The following TBX5 variants were observed in gnomAD, a reference collection of about 807,000 sequenced individuals.
TBX5 encodes T-box transcription factor TBX5.
TBX5 carries 8 observed loss-of-function variants against 51.1 expected under a neutral mutation model. The ratio of observed to expected loss-of-function variants is 0.16; its 90% CI spans 0.09 to 0.28. The LOEUF (loss-of-function observed/expected upper bound fraction) is 0.28. TBX5 is among the 10% of genes least tolerant of loss of function. TBX5 has a pLI of 1.00. For synonymous variants in TBX5, 302 were observed against 266.4 expected, an observed-to-expected ratio of 1.13 and a Z score of -1.30; for missense variants, 589 against 671.7, an observed-to-expected ratio of 0.88 and a Z score of 1.36.
At chr12:114,380,514 T>C (rs1870450689) in intron 7 of TBX5, among the ~76,000 whole-genome samples, 1 of 152,330 alleles carries the variant, frequency 6.6e-6, no homozygotes, top group Non-Finnish European at 1.5e-5. Context: ...AGTCTCATTC[T>C]GAGCAATAAC....
At chr12:114,397,665 C>T (rs539048969) in intron 5 of TBX5, among the ~76,000 whole-genome samples, 9 of 152,288 alleles carry the variant, frequency 5.9e-5, no homozygotes, top group African/African-American at 1.9e-4. Context: ...CATTCAGTTT[C>T]AGGAAATTCA....
At chr12:114,383,995 A>G (rs1405897933) in intron 7 of TBX5, among the ~76,000 whole-genome samples, 1 of 152,212 alleles carries the variant, frequency 6.6e-6, no homozygotes, top group African/African-American at 2.4e-5. Flanking sequence ...TGGCACTCTG[A>G]GCCCAGGGCC....
chr12:114,372,165 C>A lies in TBX5; in HGVS notation c.756-5774G>T, dbSNP rs117053964. 3.3e-5 allele frequency among the ~76,000 whole-genome samples: 5 copies of A among 152,246 alleles called. No individual in the cohort carries two copies. The East Asian group carries it at 9.6e-4, about 29-fold the overall frequency. ...TACAATGTACACTATTAAAGTGATA[C>A]TTACACTAAAAGCCCGACTTCACCA... On this transcript the variant is annotated intron_variant, in intron 7 of 8. Transcript: ENST00000405440.
At chr12:114,389,016 C>T (rs973158133) in intron 6 of TBX5, among the ~76,000 whole-genome samples, 6 of 152,122 alleles carry the variant, frequency 3.9e-5, no homozygotes, top group Non-Finnish European at 8.8e-5. Context: ...GCAAACTCCG[C>T]CTCTCAGGTT....
At chr12:114,374,740 C>T (rs1056578447) in intron 7 of TBX5, among the ~76,000 whole-genome samples, 1 of 152,152 alleles carries the variant, frequency 6.6e-6, no homozygotes, top group African/African-American at 2.4e-5. Context: ...TTGTACATTT[C>T]ACCCTATATA....
intron 3 of TBX5, 120 bp from the exon 4 acceptor site, chr12:114,399,752 C>T: frequency 6.7e-7 from 1 of 1,491,624 alleles, no homozygotes; most frequent in Non-Finnish European, 9.2e-7. Flanking sequence ...CGGAAACTAG[C>T]CCCGTTCCGC....
intron 7 of TBX5, among the ~76,000 whole-genome samples, chr12:114,369,002 GA>G (rs142684127): frequency 5.7e-5 from 8 of 140,614 alleles, no homozygotes; most frequent in South Asian, 2.2e-4. Context: ...CTACGTAATG[GA>G]AAAAAAAAAG....
rs566429968 is a variant in TBX5 at position 114,387,054 on chromosome 12, C to T, written c.664-1487G>A. ...CCAGGCGGCAGAGATTGCAGTGAGC[C>T]GAGATCACACCACTGTACTCTAGCT... On this transcript the variant is annotated intron_variant, in intron 6 of 8. Coordinates refer to ENST00000405440, the MANE Select transcript of TBX5 (RefSeq NM_181486.4). Among the ~76,000 whole-genome samples the T allele has an allele frequency of 1.2e-3, 177 of 151,200 alleles. 1 individual carries two copies. The highest frequency in any genetic ancestry group is 1.8e-3 in the Non-Finnish European group (119 of 67,788).
chr12:114,377,072 T>C (rs955164139), intron 7 of TBX5, among the ~76,000 whole-genome samples: 1 of 152,204 alleles, frequency 6.6e-6, no homozygotes, highest in East Asian at 1.9e-4. Context: ...ACCCCGCTCT[T>C]GTTTTACATA....
At position 114,385,336 on chromosome 12, in the gene TBX5, G is replaced by T. The variant is rs918557759; in HGVS notation, c.755+140C>A. 4 of 764,030 alleles carry T rather than the reference G, an allele frequency of 5.2e-6. No individual in the cohort carries two copies. In the African/African-American group the frequency reaches 6.9e-5, roughly 13 times the overall value. 47.3% of individuals were successfully genotyped at this position (764,030 alleles called of 1,614,324 possible). A position where few individuals can be genotyped will look rare whatever the true frequency, so the allele number is the denominator to read the frequency against. On this transcript the variant is annotated intron_variant, in intron 7 of 8. Coordinates refer to ENST00000405440, the MANE Select transcript of TBX5 (RefSeq NM_181486.4). ...GTTATCAGAAAATGGGACAGAGGGG[G>T]CTCATTCTCCCCATTTCCATGTGCC...
intron 8 of TBX5, among the ~76,000 whole-genome samples, chr12:114,356,468 G>A (rs750376306): frequency 6.6e-6 from 1 of 152,130 alleles, no homozygotes; most frequent in Non-Finnish European, 1.5e-5. Context: ...AGTTGTGCAC[G>A]CCTATAGTTC....
chr12:114,400,717 G>T (rs1225851522), intron 3 of TBX5, among the ~76,000 whole-genome samples: 2 of 152,238 alleles, frequency 1.3e-5, no homozygotes, highest in Admixed American at 1.3e-4. Flanking sequence ...AGAGGGACTC[G>T]GACGTGTCTT....
chr12:114,405,764 G>C lies in TBX5; in HGVS notation c.-175C>G. ...CTGCTTACCCAGAATAGCGGCTACT[G>C]CTGCCTACTAGGGCGCACCTACCGC... On this transcript the variant is annotated 5_prime_UTR_variant, in exon 1 of 9. Coordinates refer to ENST00000405440, the MANE Select transcript of TBX5 (RefSeq NM_181486.4). The C allele has an allele frequency of 4.1e-6, 4 of 985,560 alleles. No homozygotes were observed. Among genetic ancestry groups the C allele is most frequent in the Non-Finnish European group, 4.8e-6 (4 of 830,026 alleles). The allele number at this position is 985,560 out of a possible 1,614,324, so 61.1% of individuals were successfully genotyped here.
intron 7 of TBX5, among the ~76,000 whole-genome samples, chr12:114,383,524 A>G (rs1038027854): frequency 6.6e-6 from 1 of 152,164 alleles, no homozygotes; most frequent in Non-Finnish European, 1.5e-5. Flanking sequence ...AGACTTGGAC[A>G]TGTTCTCCAC....
At chr12:114,377,559 CT>C (rs112942662) in intron 7 of TBX5, among the ~76,000 whole-genome samples, 19,246 of 137,968 alleles carry the variant, frequency 0.14, 1,270 homozygotes, top group Middle Eastern at 0.2. Context: ...TCCAGTTAAT[CT>C]TTTTTTTTTT....
chr12:114,385,043 T>C (rs1425823140), intron 7 of TBX5, among the ~76,000 whole-genome samples: 1 of 151,676 alleles, frequency 6.6e-6, no homozygotes, highest in Non-Finnish European at 1.5e-5. Context: ...CAAGTTTGTC[T>C]GTATTTCACC....
chr12:114,367,310 A>G (rs1474224071), intron 7 of TBX5, among the ~76,000 whole-genome samples: 1 of 148,758 alleles, frequency 6.7e-6, no homozygotes, highest in Non-Finnish European at 1.5e-5. Context: ...GCAGCTCCCA[A>G]TTCAGGCCCC....
chr12:114,366,138 A>T, intron 8 of TBX5, 27 bp downstream of exon 8: 1 of 1,612,278 alleles, frequency 6.2e-7, no homozygotes. Flanking sequence ...GAAAGAAAGC[A>T]AATTGACCAG....
chr12:114,390,527 T>C (rs983224950), intron 6 of TBX5, among the ~76,000 whole-genome samples: 1 of 152,250 alleles, frequency 6.6e-6, no homozygotes, highest in Non-Finnish European at 1.5e-5. Flanking sequence ...ATAATTGTTG[T>C]GAATTCTTGC....
Sources: allele counts gnomAD v4.1 joint callset (sites outside exome capture counted in the v4.1 genomes callset), GRCh38; gene constraint gnomAD v4.1.1; transcripts MANE v1.5; gene names NCBI Gene and HGNC (gene_info 2026-07-23, HGNC 2026-07-21).